Variants in RFWD3 observed in about 807,000 individuals in gnomAD.
RFWD3 encodes the protein ring finger and WD repeat domain 3, also known as E3 ubiquitin-protein ligase RFWD3.
RFWD3 carries 65 observed loss-of-function variants against 87.7 expected under a neutral mutation model. The observed-to-expected ratio is 0.74, with a 90% CI of 0.61 to 0.91. The LOEUF is 0.91. RFWD3 is among the 40% of genes least tolerant of loss of function. The pLI is 0.00. For missense variants in RFWD3, 1,078 were observed against 938.5 expected, an observed-to-expected ratio of 1.15 and a Z score of -1.94; for synonymous variants, 433 against 352.8, an observed-to-expected ratio of 1.23 and a Z score of -2.55.
Position 74,624,062 on chromosome 16 carries a change from C to T in RFWD3, c.2191G>A (p.Ala731Thr). 1 of 1,613,844 alleles carries T rather than the reference C, an allele frequency of 6.2e-7. No individual in the cohort carries two copies. The highest frequency in any genetic ancestry group is 8.5e-7 in the Non-Finnish European group (1 of 1,179,906). Residue 731 changes from alanine (A) to threonine (T), a missense_variant, in exon 13 of 13, where the codon GCT becomes ACT. Transcript: ENST00000361070. ...TCCTGGAGCAACGAGCCACTGGCAG[C>T]ATCCCACAGCTAAAGAACACAAGCA... ...EAANSALLWD[A>T]ASGSLLQDLQ...
chr16:74,628,329 C>T, intron 11 of RFWD3, 123 bp downstream of exon 11: 1 of 863,660 alleles, frequency 1.2e-6, no homozygotes, highest in Non-Finnish European at 1.8e-6. Flanking sequence ...GCAAGAGCTA[C>T]AACACACCTC....
At chr16:74,636,790 T>C (rs999428444) in intron 7 of RFWD3, among the ~76,000 whole-genome samples, 4 of 151,836 alleles carry the variant, frequency 2.6e-5, no homozygotes, top group African/African-American at 4.8e-5. Flanking sequence ...GTTGGCTCAC[T>C]GCAACCTCCA....
intron 11 of RFWD3, among the ~76,000 whole-genome samples, chr16:74,627,822 A>G (rs937072655): frequency 1.3e-5 from 2 of 152,220 alleles, no homozygotes; most frequent in African/African-American, 2.4e-5. Flanking sequence ...GGACAGGGCT[A>G]GAGTTTATAG....
chr16:74,652,049 A>C lies in RFWD3; in HGVS notation c.592T>G (p.Ser198Ala), dbSNP rs770613608. The C allele has an allele frequency of 1.4e-5, 23 of 1,614,046 alleles. No individual in the cohort carries two copies. Among genetic ancestry groups the C allele is most frequent in the Non-Finnish European group, 1.9e-5 (23 of 1,180,034 alleles). ...QPDLPATTYD[S>A]ETRNPVSEEL... ...TCAGATACAGGATTCCTAGTCTCTG[A>C]ATCATAAGTGGTAGCTGGCAAGTCA... Residue 198 changes from serine to alanine, a missense_variant, in exon 3 of 13, where the codon TCA (serine) becomes GCA (alanine). Ser to Ala is a moderately conservative substitution (Grantham distance 99, BLOSUM62 1). Transcript: ENST00000361070.
At chr16:74,641,264 G>C (rs997411399) in intron 6 of RFWD3, among the ~76,000 whole-genome samples, 22 of 151,984 alleles carry the variant, frequency 1.4e-4, no homozygotes, top group Non-Finnish European at 2.8e-4. Context: ...CTGGGTTCAA[G>C]CTATCCTCCT....
chr16:74,663,438 G>A (rs1028540065), intron 1 of RFWD3, among the ~76,000 whole-genome samples: 2 of 152,158 alleles, frequency 1.3e-5, no homozygotes, highest in African/African-American at 2.4e-5. Context: ...GGGAAGAACG[G>A]CCGCTAGATT....
rs917249951 is a variant in RFWD3 at position 74,622,025 on chromosome 16, G to T, written c.*1903C>A. 9.2e-5 allele frequency: 14 copies of T among 152,068 alleles called. No homozygotes were observed. Among genetic ancestry groups the T allele is most frequent in the Admixed American group, 3.3e-4 (5 of 15,258 alleles). 9.4% of individuals were successfully genotyped at this position (152,068 alleles called of 1,614,324 possible). A position where few individuals can be genotyped will look rare whatever the true frequency, so the allele number is the denominator to read the frequency against. On this transcript the variant is annotated 3_prime_UTR_variant, in exon 13 of 13. Transcript: ENST00000361070. ...TGGTAAGACTTAAGATTCACATAAC[G>T]TCCCTCATAGTTAAGTCTCTTGCTT...
Position 74,637,874 on chromosome 16 carries a change from C to T in RFWD3, c.1176G>A (p.Arg392=), listed in dbSNP as rs74603142. The change falls in exon 7 of 13, where the codon AGG becomes AGA. Residue 392 remains arginine (R), a synonymous_variant. Transcript: ENST00000361070. The part of the protein sequence containing the change: ...QLQVLTDKCT[R]LQRRVQDLQK... ...AACGTACCTGAACACGCCTTTGAAG[C>T]CTAGTGCACTTATCAGTGAGGACCT... 15,146 of 1,612,422 alleles carry T rather than the reference C, an allele frequency of 9.4e-3. 90 individuals are homozygous for T. Among genetic ancestry groups the T allele is most frequent in the Non-Finnish European group, 0.011 (13,313 of 1,179,382 alleles).
intron 4 of RFWD3, among the ~76,000 whole-genome samples, chr16:74,645,745 C>CTTTT (rs71376293): frequency 1.3e-3 from 99 of 74,174 alleles, no homozygotes; most frequent in African/African-American, 2.1e-3. Context: ...CAAATATTTT[C>CTTTT]TTTTTTTTTT....
intron 2 of RFWD3, among the ~76,000 whole-genome samples, chr16:74,660,052 C>T (rs1961301754): frequency 6.6e-6 from 1 of 151,984 alleles, no homozygotes. Context: ...GAGACCCTGT[C>T]TCAAAAATAA....
intron 12 of RFWD3, among the ~76,000 whole-genome samples, chr16:74,625,278 T>A (rs1326488609): frequency 1.3e-5 from 2 of 151,290 alleles, no homozygotes; most frequent in African/African-American, 4.9e-5. Context: ...CTTAGTAGTC[T>A]GTGAGGCTGA....
At chr16:74,655,753 C>G (rs1292522348) in intron 2 of RFWD3, among the ~76,000 whole-genome samples, 1 of 151,940 alleles carries the variant, frequency 6.6e-6, no homozygotes, top group Non-Finnish European at 1.5e-5. Flanking sequence ...TCACCCATCT[C>G]CTGACCTCGT....
At position 74,622,376 on chromosome 16, in the gene RFWD3, G is replaced by C. The variant is rs1451591367; in HGVS notation, c.*1552C>G. ...GCAGTGGCTCACGCCTATAATTTTG[G>C]CACTTTAGGAGGCTGAGGTGGGAGG... On this transcript the variant is annotated 3_prime_UTR_variant, in exon 13 of 13. Transcript: ENST00000361070. 1 of 152,196 alleles carries C rather than the reference G, an allele frequency of 6.6e-6. No homozygotes were observed. Among genetic ancestry groups the C allele is most frequent in the African/African-American group, 2.4e-5 (1 of 41,448 alleles). The allele number at this position is 152,196 out of a possible 1,614,324, so 9.4% of individuals were successfully genotyped here.
At chr16:74,646,672 G>C (rs1960172588) in intron 4 of RFWD3, among the ~76,000 whole-genome samples, 1 of 152,076 alleles carries the variant, frequency 6.6e-6, no homozygotes, top group South Asian at 2.1e-4. Flanking sequence ...TGTAGTTCCA[G>C]CTACTCGGGA....
rs187006672 is a variant in RFWD3 at position 74,646,659 on chromosome 16, G to A, written c.793-1924C>T. Among the ~76,000 whole-genome samples the A allele has an allele frequency of 2.3e-3, 355 of 152,208 alleles. 1 individual carries two copies. The highest frequency in any genetic ancestry group is 7.8e-3 in the African/African-American group (324 of 41,536). The stretch of plus-strand genomic sequence containing the variant: ...AAATTAGCCAGGCATGACGGCGTGT[G>A]CCTGTAGTTCCAGCTACTCGGGAGA... On this transcript the variant is annotated intron_variant, in intron 4 of 12. Coordinates refer to ENST00000361070, the MANE Select transcript of RFWD3 (RefSeq NM_018124.4).
chr16:74,636,197 T>A, intron 8 of RFWD3, 149 bp downstream of exon 8: 1 of 668,504 alleles, frequency 1.5e-6, no homozygotes. Flanking sequence ...AAAGACATCT[T>A]TGCAGCACCC....
At position 74,636,575 on chromosome 16, in the gene RFWD3, G is replaced by A. The variant is rs1567572048; in HGVS notation, c.1197C>T (p.Asp399=). Residue 399 remains aspartate (D), a splice_region_variant and synonymous_variant, in exon 8 of 13, where the codon GAC becomes GAT. Coordinates refer to ENST00000361070, the MANE Select transcript of RFWD3 (RefSeq NM_018124.4). The stretch of plus-strand genomic sequence containing the variant: ...TTTGATGTGACGTAAGTTTTTGCAA[G>A]TCCTAAAATGAAAAAGATTTTATAA... ...KCTRLQRRVQ[D]LQKLTSHQSQ... is the part of the protein sequence containing the mutation. 4.4e-6 allele frequency: 7 copies of A among 1,605,978 alleles called. No individual in the cohort carries two copies. Among genetic ancestry groups the A allele is most frequent in the South Asian group, 1.1e-5 (1 of 90,342 alleles).
intron 4 of RFWD3, among the ~76,000 whole-genome samples, chr16:74,646,747 T>C (rs192304232): frequency 7.9e-5 from 12 of 151,790 alleles, no homozygotes; most frequent in Admixed American, 3.3e-4. Flanking sequence ...CAAAATTTAT[T>C]TGTATGATGG....
At chr16:74,646,693 G>C (rs941128218) in intron 4 of RFWD3, among the ~76,000 whole-genome samples, 1 of 152,142 alleles carries the variant, frequency 6.6e-6, no homozygotes, top group Admixed American at 6.6e-5. Context: ...GACTGAGGCA[G>C]GGGAATCGCT....
Sources: gnomAD v4.1 joint callset for allele counts (sites outside exome capture counted in the v4.1 genomes callset) on GRCh38, gnomAD v4.1.1 for gene constraint, MANE v1.5 for transcripts, NCBI Gene and HGNC (gene_info 2026-07-23, HGNC 2026-07-21) for gene names.